Variants in ANTXR2 observed in about 807,000 individuals in gnomAD.
The protein encoded by ANTXR2 is anthrax toxin receptor 2.
ANTXR2 carries 44 observed loss-of-function variants against 73.7 expected under a neutral mutation model. That is an observed-to-expected ratio of 0.60 (90% CI 0.47 to 0.77). The LOEUF (loss-of-function observed/expected upper bound fraction) is 0.77. Ranked by LOEUF, ANTXR2 falls within the 30% of genes least tolerant of loss-of-function variation. The probability of loss-of-function intolerance (pLI) is 0.00; values close to 1 mark genes in which losing one functional copy is unlikely to be tolerated. For synonymous variants in ANTXR2, 217 were observed against 205.9 expected, an observed-to-expected ratio of 1.05 and a Z score of -0.46; for missense variants, 604 against 592.5, an observed-to-expected ratio of 1.02 and a Z score of -0.20.
chr4:80,066,810 C>T (rs1171648230), intron 3 of ANTXR2, among the ~76,000 whole-genome samples: 2 of 152,142 alleles, frequency 1.3e-5, no homozygotes, highest in Non-Finnish European at 2.9e-5. Context: ...TTATCCTTGA[C>T]CATTTGGCTA....
intron 3 of ANTXR2, among the ~76,000 whole-genome samples, chr4:80,059,976 C>T (rs912221997): frequency 1.3e-5 from 2 of 152,164 alleles, no homozygotes; most frequent in African/African-American, 2.4e-5. Context: ...TTTTCAGTAT[C>T]TCCTACTTTT....
intron 10 of ANTXR2, among the ~76,000 whole-genome samples, chr4:80,020,342 AG>A (rs1227339136): frequency 2.0e-5 from 3 of 152,048 alleles, no homozygotes; most frequent in African/African-American, 4.8e-5. Flanking sequence ...TCTCTGATTG[AG>A]CCACTGCACT....
intron 16 of ANTXR2, among the ~76,000 whole-genome samples, chr4:79,923,353 C>T (rs543562351): frequency 1.3e-5 from 2 of 152,116 alleles, no homozygotes; most frequent in Non-Finnish European, 2.9e-5. Context: ...AAACATTCCA[C>T]AGGCAAAAGT....
intron 16 of ANTXR2, among the ~76,000 whole-genome samples, chr4:79,915,898 C>T (rs1201979452): frequency 6.9e-6 from 1 of 145,664 alleles, no homozygotes; most frequent in African/African-American, 2.5e-5. Context: ...TCTGTGCTAT[C>T]TTTTGCTCTA....
At chr4:79,948,354 A>T (rs1387966410) in intron 16 of ANTXR2, among the ~76,000 whole-genome samples, 1 of 152,180 alleles carries the variant, frequency 6.6e-6, no homozygotes, top group Non-Finnish European at 1.5e-5. Flanking sequence ...TGACATTTGA[A>T]TCTGAACTTT....
At chr4:80,000,194 A>G (rs1353299518) in intron 12 of ANTXR2, among the ~76,000 whole-genome samples, 1 of 152,036 alleles carries the variant, frequency 6.6e-6, no homozygotes, top group Non-Finnish European at 1.5e-5. Flanking sequence ...ATAAATTCTT[A>G]TGTAGTTGTA....
intron 10 of ANTXR2, among the ~76,000 whole-genome samples, chr4:80,030,994 T>A (rs1732663571): frequency 6.6e-6 from 1 of 152,040 alleles, no homozygotes; most frequent in African/African-American, 2.4e-5. Flanking sequence ...GAATTACTTG[T>A]GTATAAACAA....
intron 12 of ANTXR2, among the ~76,000 whole-genome samples, chr4:80,005,210 C>T (rs1161722255): frequency 6.6e-6 from 1 of 152,088 alleles, no homozygotes; most frequent in Non-Finnish European, 1.5e-5. Context: ...ATACGATGCT[C>T]ATGGAGGTGG....
intron 16 of ANTXR2, among the ~76,000 whole-genome samples, chr4:79,929,383 G>T (rs1273243487): frequency 1.3e-5 from 2 of 151,932 alleles, no homozygotes; most frequent in East Asian, 1.9e-4. Context: ...CGTGGTGGCA[G>T]ATGCCTGTAA....
chr4:79,986,621 T>C (rs35978058), intron 12 of ANTXR2, among the ~76,000 whole-genome samples: 11,368 of 152,202 alleles, frequency 0.075, 497 homozygotes, highest in Middle Eastern at 0.11. Context: ...CCTGTTGGTT[T>C]TCATTTGTCT....
chr4:80,068,317 G>C (rs1286928922), intron 3 of ANTXR2, among the ~76,000 whole-genome samples: 2 of 152,144 alleles, frequency 1.3e-5, no homozygotes, highest in Middle Eastern at 3.2e-3. Context: ...TGAAACTACA[G>C]TTCAGAAAAA....
rs1491118708 is a variant in ANTXR2 at position 79,927,061 on chromosome 4, G to GTGTA, written c.1429-19595_1429-19594insTACA. 5.5e-3 allele frequency among the ~76,000 whole-genome samples: 796 copies of GTGTA among 144,766 alleles called. 11 individuals carry two copies. Among genetic ancestry groups the GTGTA allele is most frequent in the Middle Eastern group, 0.014 (4 of 282 alleles). 95.0% of individuals were successfully genotyped at this position (144,766 alleles called of 152,430 possible). On this transcript the variant is annotated intron_variant, in intron 16 of 16. Coordinates refer to ENST00000403729, the MANE Select transcript of ANTXR2 (RefSeq NM_058172.6). ...TGTATATATATGTGCGTGTGTGTGTGTATATATATATATATATGAATATTA... is the reference window on the plus strand; with the variant it reads ...TGTATATATATGTGCGTGTGTGTGTGTGTATATATATATATATATATGAATATTA...
chr4:80,069,377 A>G, intron 3 of ANTXR2, 59 bp downstream of exon 3: 1 of 1,346,010 alleles, frequency 7.4e-7, no homozygotes, highest in Non-Finnish European at 1.0e-6. Context: ...GGAAATATCA[A>G]TCATGCCTTT....
intron 12 of ANTXR2, among the ~76,000 whole-genome samples, chr4:79,995,432 G>A (rs182215524): frequency 7.0e-4 from 106 of 151,902 alleles, no homozygotes; most frequent in African/African-American, 2.5e-3. Flanking sequence ...AATATTACTA[G>A]TCCCTAAGAA....
At chr4:80,056,893 T>C (rs181050424) in intron 3 of ANTXR2, among the ~76,000 whole-genome samples, 32 of 151,912 alleles carry the variant, frequency 2.1e-4, no homozygotes, top group Non-Finnish European at 4.0e-4. Flanking sequence ...CTCTCGAAAA[T>C]AAATAAAACC....
At chr4:80,067,157 G>A (rs1205473868) in intron 3 of ANTXR2, among the ~76,000 whole-genome samples, 1 of 150,746 alleles carries the variant, frequency 6.6e-6, no homozygotes, top group Non-Finnish European at 1.5e-5. Context: ...AGTGAGCCAA[G>A]ATCATGCCAT....
At chr4:80,022,834 T>C (rs35095073) in intron 10 of ANTXR2, among the ~76,000 whole-genome samples, 24,574 of 152,140 alleles carry the variant, frequency 0.16, 3,010 homozygotes, top group African/African-American at 0.35. Flanking sequence ...ACTGGAGTCC[T>C]GAGTTTGAAC....
chr4:80,069,120 T>C (rs948169740), intron 3 of ANTXR2, among the ~76,000 whole-genome samples: 1 of 152,188 alleles, frequency 6.6e-6, no homozygotes, highest in Non-Finnish European at 1.5e-5. Flanking sequence ...GATTAATATA[T>C]TATATCTAAA....
chr4:80,061,658 C>T (rs954022710), intron 3 of ANTXR2, among the ~76,000 whole-genome samples: 22 of 151,984 alleles, frequency 1.4e-4, no homozygotes, highest in Admixed American at 1.4e-3. Flanking sequence ...TACAAAATTG[C>T]TAATGATTTA....
Sources: allele counts gnomAD v4.1 joint callset (sites outside exome capture counted in the v4.1 genomes callset), GRCh38; gene constraint gnomAD v4.1.1; transcripts MANE v1.5; gene names NCBI Gene and HGNC (gene_info 2026-07-23, HGNC 2026-07-21).